The following ALPK2 variants were observed in gnomAD, a reference collection of about 807,000 sequenced individuals.
ALPK2 encodes the protein alpha-protein kinase 2.
In ALPK2, 127 loss-of-function variants were observed where a neutral mutation model predicts 163.1. That is an observed-to-expected ratio of 0.78 (90% CI 0.67 to 0.90). The LOEUF (loss-of-function observed/expected upper bound fraction) is 0.90, where lower values mean the gene tolerates loss of function less well. Among genes scored for constraint, ALPK2 ranks in the 40% least tolerant of loss-of-function variants. The pLI is 0.00. For synonymous variants in ALPK2, 953 were observed against 959.1 expected (o/e 0.99, Z 0.12); for missense variants, 2,360 against 2,589.6 (o/e 0.91, Z 1.92).
intron 1 of ALPK2, among the ~76,000 whole-genome samples, chr18:58,622,356 A>G (rs986561852): frequency 6.6e-6 from 1 of 152,190 alleles, no homozygotes; most frequent in African/African-American, 2.4e-5. Flanking sequence ...CAAAAAAATA[A>G]TTAAATACAT....
intron 1 of ALPK2, among the ~76,000 whole-genome samples, chr18:58,615,816 C>G (rs767306101): frequency 5.3e-5 from 8 of 152,208 alleles, no homozygotes; most frequent in Non-Finnish European, 1.0e-4. Flanking sequence ...TGAGGAGCTT[C>G]TGTGTCATCT....
chr18:58,542,562 T>C (rs370574531), intron 4 of ALPK2, among the ~76,000 whole-genome samples: 12 of 152,178 alleles, frequency 7.9e-5, no homozygotes, highest in Non-Finnish European at 1.8e-4. Flanking sequence ...TAAAGAACTA[T>C]TGACTGTGAT....
intron 4 of ALPK2, among the ~76,000 whole-genome samples, chr18:58,559,321 A>G (rs185978955): frequency 2.6e-5 from 4 of 152,312 alleles, no homozygotes; most frequent in African/African-American, 7.2e-5. Context: ...CCCGGAACAA[A>G]GAATTATCTG....
At chr18:58,603,276 T>C (rs970504247) in intron 3 of ALPK2, among the ~76,000 whole-genome samples, 1 of 152,186 alleles carries the variant, frequency 6.6e-6, no homozygotes, top group South Asian at 2.1e-4. Flanking sequence ...GAAATCCTAT[T>C]TCTAAATAAG....
chr18:58,503,871 C>T (rs113096632), intron 11 of ALPK2, 60 bp downstream of exon 11: 2 of 1,508,890 alleles, frequency 1.3e-6, no homozygotes, highest in South Asian at 1.2e-5. Context: ...CCCTCTCCAC[C>T]CACAGGAACA....
intron 1 of ALPK2, among the ~76,000 whole-genome samples, chr18:58,624,616 A>G (rs568799987): frequency 6.6e-6 from 1 of 152,220 alleles, no homozygotes; most frequent in South Asian, 2.1e-4. Context: ...CAGCATGCCC[A>G]GCTAATTTTG....
chr18:58,538,213 C>T lies in ALPK2; in HGVS notation c.1974G>A (p.Gln658=). ...AAGAGATTGTCTCTCTGACTGTTTC[C>T]TGAACTTGTACCTAGGAAGATGAAA... ...DWSDPPQVQV[Q]ETVRETISCS... The change falls in exon 5 of 13, where the codon CAG becomes CAA. Residue 658 remains glutamine (Q), a synonymous_variant. Transcript: ENST00000361673. The T allele has an allele frequency of 6.2e-7, 1 of 1,610,038 alleles. No individual in the cohort carries two copies. The highest frequency in any genetic ancestry group is 8.5e-7 in the Non-Finnish European group (1 of 1,179,790).
chr18:58,550,523 T>TCTATCACCTACAACC, intron 4 of ALPK2, among the ~76,000 whole-genome samples: 2 of 152,066 alleles, frequency 1.3e-5, no homozygotes, highest in Non-Finnish European at 1.5e-5. Context: ...CATCCCCATC[T>TCTATCACCTACAACC]CCATCACCTA....
At chr18:58,569,551 G>A (rs1461713918) in intron 4 of ALPK2, among the ~76,000 whole-genome samples, 1 of 152,188 alleles carries the variant, frequency 6.6e-6, no homozygotes, top group Non-Finnish European at 1.5e-5. Context: ...GGGCTTCTGA[G>A]CCTGCATTTC....
intron 10 of ALPK2, among the ~76,000 whole-genome samples, chr18:58,508,307 C>T (rs2051471728): frequency 6.6e-6 from 1 of 152,168 alleles, no homozygotes; most frequent in Non-Finnish European, 1.5e-5. Context: ...CCCATTTAGC[C>T]AGTTCTGTCA....
At position 58,516,978 on chromosome 18, in the gene ALPK2, T is replaced by G; in HGVS notation, c.5870A>C (p.His1957Pro). 6.2e-7 allele frequency: 1 copy of G among 1,614,180 alleles called. No individual in the cohort carries two copies. The highest frequency in any genetic ancestry group is 8.5e-7 in the Non-Finnish European group (1 of 1,180,016). Residue 1957 changes from histidine to proline, a missense_variant, in exon 9 of 13, where the codon CAC (histidine) becomes CCC (proline). By Grantham distance (77) the His-to-Pro change is moderately conservative (BLOSUM62 -2). Transcript: ENST00000361673. ...TCTGGTCCCATAGGCAATGGCATTGTGCACCTTAAGCACACAGGCATGGCC... is the reference window on the plus strand; with the variant it reads ...TCTGGTCCCATAGGCAATGGCATTGGGCACCTTAAGCACACAGGCATGGCC... The part of the protein sequence containing the change: ...KPGHACVLKV[H>P]NAIAYGTRNN...
At chr18:58,618,109 G>A (rs2052179594) in intron 1 of ALPK2, among the ~76,000 whole-genome samples, 1 of 152,142 alleles carries the variant, frequency 6.6e-6, no homozygotes, top group Admixed American at 6.5e-5. Flanking sequence ...GCAATGGCAC[G>A]ATCTCGGGTC....
At chr18:58,510,434 A>G (rs2051484455) in intron 10 of ALPK2, among the ~76,000 whole-genome samples, 2 of 152,230 alleles carry the variant, frequency 1.3e-5, no homozygotes, top group Admixed American at 1.3e-4. Context: ...AGTCATTGGT[A>G]GCTTGATGAG....
chr18:58,607,233 G>T, intron 3 of ALPK2, 89 bp downstream of exon 3: 1 of 864,828 alleles, frequency 1.2e-6, no homozygotes, highest in Non-Finnish European at 1.7e-6. Context: ...GCAAATATGA[G>T]CCAATCTTTT....
chr18:58,505,836 C>G (rs756806175), intron 10 of ALPK2, among the ~76,000 whole-genome samples: 7 of 152,198 alleles, frequency 4.6e-5, no homozygotes, highest in Non-Finnish European at 1.0e-4. Context: ...GCCCCCACCC[C>G]CTTTGCTCTC....
intron 3 of ALPK2, among the ~76,000 whole-genome samples, chr18:58,581,373 G>A (rs749534456): frequency 1.3e-5 from 2 of 152,210 alleles, no homozygotes; most frequent in Non-Finnish European, 2.9e-5. Flanking sequence ...TTAATTGAAT[G>A]TGACTAAAAG....
chr18:58,592,207 G>A (rs2144210798), intron 3 of ALPK2, among the ~76,000 whole-genome samples: 1 of 152,350 alleles, frequency 6.6e-6, no homozygotes, highest in East Asian at 1.9e-4. Context: ...CACACTGCAT[G>A]GGACTTGAGA....
intron 5 of ALPK2, among the ~76,000 whole-genome samples, chr18:58,533,185 C>T (rs1413251758): frequency 3.3e-5 from 5 of 152,300 alleles, no homozygotes; most frequent in East Asian, 3.9e-4. Flanking sequence ...AGTGCAATGG[C>T]GAGGTTGTGC....
At chr18:58,545,002 C>T (rs1395463642) in intron 4 of ALPK2, 5 of 152,208 alleles carry the variant, frequency 3.3e-5, no homozygotes, top group Non-Finnish European at 1.5e-5. Flanking sequence ...AAGGTATAGA[C>T]ATGGTGGGTA....
Sources: gnomAD v4.1 joint callset for allele counts (sites outside exome capture counted in the v4.1 genomes callset) on GRCh38, gnomAD v4.1.1 for gene constraint, MANE v1.5 for transcripts, NCBI Gene and HGNC (gene_info 2026-07-23, HGNC 2026-07-21) for gene names.